Variants in GRID1 observed in about 807,000 individuals in gnomAD.
GRID1 encodes glutamate ionotropic receptor delta type subunit 1.
A neutral mutation model predicts 98.0 loss-of-function variants in GRID1; 28 were observed. That is an observed-to-expected ratio of 0.29 (90% CI 0.21 to 0.39). The LOEUF is 0.39. GRID1 is among the 10% of genes least tolerant of loss of function. The pLI is 1.00. For missense variants in GRID1, 1,111 were observed against 1,340.5 expected (o/e 0.83, Z 2.67); for synonymous variants, 553 against 538.5 (o/e 1.03, Z -0.37).
At chr10:85,889,037 G>A (rs900137059) in intron 5 of GRID1, among the ~76,000 whole-genome samples, 1 of 152,160 alleles carries the variant, frequency 6.6e-6, no homozygotes, top group South Asian at 2.1e-4. Context: ...GCTCTAAGTT[G>A]CATCTGAAAT....
intron 8 of GRID1, among the ~76,000 whole-genome samples, chr10:85,735,129 T>G (rs1476388408): frequency 6.6e-6 from 1 of 152,220 alleles, no homozygotes; most frequent in East Asian, 1.9e-4. Flanking sequence ...GTGAGTCTAC[T>G]CTGACTTCCC....
intron 8 of GRID1, among the ~76,000 whole-genome samples, chr10:85,845,674 C>T (rs1842998781): frequency 6.6e-6 from 1 of 152,222 alleles, no homozygotes; most frequent in Non-Finnish European, 1.5e-5. Context: ...GTCTAGTGTG[C>T]TTCGCATGCC....
intron 4 of GRID1, among the ~76,000 whole-genome samples, chr10:86,114,961 C>G (rs1458642358): frequency 6.6e-6 from 1 of 152,210 alleles, no homozygotes; most frequent in Non-Finnish European, 1.5e-5. Flanking sequence ...CTCTCCCTGC[C>G]TGCTCCTGGG....
At chr10:86,321,054 C>T (rs1457641461) in intron 2 of GRID1, among the ~76,000 whole-genome samples, 4 of 149,098 alleles carry the variant, frequency 2.7e-5, no homozygotes, top group South Asian at 2.1e-4. Flanking sequence ...GAGCCAAGAT[C>T]GCGCCACTGC....
chr10:86,276,429 C>A (rs1268322426), intron 2 of GRID1, among the ~76,000 whole-genome samples: 4 of 152,024 alleles, frequency 2.6e-5, no homozygotes, highest in Non-Finnish European at 5.9e-5. Flanking sequence ...AGTTCACATT[C>A]TGAAGTACTG....
At chr10:86,039,124 C>T (rs183198264) in intron 4 of GRID1, among the ~76,000 whole-genome samples, 5 of 152,258 alleles carry the variant, frequency 3.3e-5, no homozygotes, top group Middle Eastern at 3.4e-3. Flanking sequence ...CTTTCATCTC[C>T]CCACTTCCCT....
chr10:85,724,769 G>A (rs1280773967), intron 10 of GRID1, 93 bp from the exon 11 acceptor site: 2 of 976,646 alleles, frequency 2.0e-6, no homozygotes, highest in East Asian at 2.5e-5. Context: ...CCTTTGAGTT[G>A]CTCTGTTCAG....
At chr10:86,360,337 G>C (rs1052449652) in intron 2 of GRID1, among the ~76,000 whole-genome samples, 1 of 152,192 alleles carries the variant, frequency 6.6e-6, no homozygotes, top group Admixed American at 6.5e-5. Context: ...ATACAGTGGT[G>C]GGGGGAAGAC....
chr10:86,257,416 T>C (rs1215769956), intron 2 of GRID1, among the ~76,000 whole-genome samples: 1 of 152,198 alleles, frequency 6.6e-6, no homozygotes, highest in African/African-American at 2.4e-5. Context: ...CAATGGGCCA[T>C]AATGAGCAAA....
intron 12 of GRID1, among the ~76,000 whole-genome samples, chr10:85,657,422 A>T (rs906367026): frequency 6.6e-6 from 1 of 152,164 alleles, no homozygotes; most frequent in African/African-American, 2.4e-5. Flanking sequence ...GTTCTAGCCA[A>T]ATTGTGATAA....
chr10:86,319,767 T>G (rs1161993748), intron 2 of GRID1, among the ~76,000 whole-genome samples: 1 of 152,206 alleles, frequency 6.6e-6, no homozygotes, highest in African/African-American at 2.4e-5. Context: ...GCACTGCTGA[T>G]GGCTTTCAGG....
chr10:85,847,404 G>A (rs1389219048), intron 8 of GRID1, among the ~76,000 whole-genome samples: 1 of 152,146 alleles, frequency 6.6e-6, no homozygotes, highest in Non-Finnish European at 1.5e-5. Context: ...GAAATAGTAA[G>A]TCTTCCTTAT....
chr10:85,842,901 ACCCTG>A (rs1237735897), intron 8 of GRID1, among the ~76,000 whole-genome samples: 1 of 152,080 alleles, frequency 6.6e-6, no homozygotes, highest in African/African-American at 2.4e-5. Flanking sequence ...GGCTAATACT[ACCCTG>A]ATGCCTAAAG....
chr10:85,845,641 C>A (rs958331555), intron 8 of GRID1, among the ~76,000 whole-genome samples: 4 of 152,178 alleles, frequency 2.6e-5, no homozygotes, highest in Non-Finnish European at 5.9e-5. Context: ...TTTCCTCCAC[C>A]TCCTGACTGA....
chr10:86,225,402 G>A (rs1331600508), intron 2 of GRID1, among the ~76,000 whole-genome samples: 1 of 152,226 alleles, frequency 6.6e-6, no homozygotes, highest in East Asian at 1.9e-4. Flanking sequence ...ACTCAAGGCT[G>A]AGAATTACGA....
chr10:86,114,642 C>T (rs1280862669), intron 4 of GRID1, among the ~76,000 whole-genome samples: 1 of 152,206 alleles, frequency 6.6e-6, no homozygotes, highest in African/African-American at 2.4e-5. Context: ...TTCTCAACTC[C>T]TCCTGTCTTT....
At chr10:85,720,633 CAA>C (rs1178857868) in intron 12 of GRID1, among the ~76,000 whole-genome samples, 2 of 79,086 alleles carry the variant, frequency 2.5e-5, no homozygotes. Context: ...AACAAACAGA[CAA>C]AAAAAAAAAA....
intron 4 of GRID1, among the ~76,000 whole-genome samples, chr10:86,032,492 C>T (rs1310075074): frequency 6.6e-6 from 1 of 152,212 alleles, no homozygotes; most frequent in Non-Finnish European, 1.5e-5. Flanking sequence ...AAAAATTCTT[C>T]TGCCTTGGGA....
At chr10:85,764,352 G>A (rs367693770) in intron 8 of GRID1, among the ~76,000 whole-genome samples, 1 of 152,210 alleles carries the variant, frequency 6.6e-6, no homozygotes, top group East Asian at 1.9e-4. Flanking sequence ...AGGGCCTCAG[G>A]ATAAATTCAG....
Sources: gnomAD v4.1 joint callset for allele counts (sites outside exome capture counted in the v4.1 genomes callset) on GRCh38, gnomAD v4.1.1 for gene constraint, MANE v1.5 for transcripts, NCBI Gene and HGNC (gene_info 2026-07-23, HGNC 2026-07-21) for gene names.